TBC1D22A: variants seen among roughly 807,000 people sequenced by gnomAD.
The protein encoded by TBC1D22A is TBC1 domain family member 22A.
A neutral mutation model predicts 60.2 loss-of-function variants in TBC1D22A; 38 were observed. That is an observed-to-expected ratio of 0.63 (90% CI 0.49 to 0.83). TBC1D22A has a LOEUF of 0.83. Among genes scored for constraint, TBC1D22A ranks in the 40% least tolerant of loss-of-function variants. The probability of loss-of-function intolerance (pLI) is 0.00; values close to 1 mark genes in which losing one functional copy is unlikely to be tolerated. For missense variants in TBC1D22A, 628 were observed against 701.0 expected (o/e 0.90, Z 1.18); for synonymous variants, 302 against 281.7 (o/e 1.07, Z -0.72).
At chr22:46,953,475 T>C (rs1291238784) in intron 8 of TBC1D22A, among the ~76,000 whole-genome samples, 2 of 136,526 alleles carry the variant, frequency 1.5e-5, no homozygotes, top group African/African-American at 6.1e-5. Flanking sequence ...CCTTCATTTT[T>C]ATAATTTCCT....
At chr22:46,882,915 G>A (rs1191600441) in intron 5 of TBC1D22A, among the ~76,000 whole-genome samples, 1 of 152,150 alleles carries the variant, frequency 6.6e-6, no homozygotes, top group African/African-American at 2.4e-5. Flanking sequence ...TGATGAGTGG[G>A]CAGTGCCACT....
intron 2 of TBC1D22A, 28 bp from the exon 3 acceptor site, chr22:46,793,473 A>G: frequency 1.2e-6 from 2 of 1,611,296 alleles, no homozygotes; most frequent in Non-Finnish European, 1.7e-6. Context: ...TCGAGCATGT[A>G]CGAGTAAAGA....
At chr22:47,063,037 C>T (rs766726054) in intron 11 of TBC1D22A, among the ~76,000 whole-genome samples, 65 of 152,032 alleles carry the variant, frequency 4.3e-4, no homozygotes, top group Non-Finnish European at 1.0e-4. Context: ...AGGAAGGAGG[C>T]CATCTGAAGG....
intron 5 of TBC1D22A, among the ~76,000 whole-genome samples, chr22:46,884,937 G>A (rs544002044): frequency 1.3e-5 from 2 of 152,206 alleles, no homozygotes; most frequent in Non-Finnish European, 1.5e-5. Flanking sequence ...GGCCAGGCCC[G>A]CAGGAGCCGT....
At chr22:46,981,132 G>T (rs2074496115) in intron 9 of TBC1D22A, among the ~76,000 whole-genome samples, 1 of 152,204 alleles carries the variant, frequency 6.6e-6, no homozygotes, top group Admixed American at 6.5e-5. Flanking sequence ...AAGGCAGAAA[G>T]CATTCCTAGA....
intron 12 of TBC1D22A, among the ~76,000 whole-genome samples, chr22:47,131,737 G>A (rs962513641): frequency 5.9e-5 from 9 of 152,226 alleles, no homozygotes; most frequent in African/African-American, 1.9e-4. Context: ...CTCAGCAGAA[G>A]GGAGCATCTG....
intron 8 of TBC1D22A, among the ~76,000 whole-genome samples, chr22:46,974,003 C>G (rs1180225876): frequency 6.6e-6 from 1 of 152,184 alleles, no homozygotes; most frequent in African/African-American, 2.4e-5. Flanking sequence ...TATTTTCTCT[C>G]TTATTAGAAT....
At position 46,964,972 on chromosome 22, in the gene TBC1D22A, G is replaced by C. The variant is rs62232722; in HGVS notation, c.1016-9318G>C. Among the ~76,000 whole-genome samples, 1,058 of 152,352 alleles carry C rather than the reference G, an allele frequency of 6.9e-3. 6 individuals carry two copies. Among genetic ancestry groups the C allele is most frequent in the Non-Finnish European group, 0.011 (742 of 68,030 alleles). ...GGGGTTCCCAGCTGGGATGTAAGCA[G>C]CACCCACACAGGAGCAGAACTTTGG... On this transcript the variant is annotated intron_variant, in intron 8 of 12. Transcript: ENST00000337137.
chr22:47,037,134 T>G lies in TBC1D22A; in HGVS notation c.1265T>G (p.Met422Arg). 6.2e-7 allele frequency: 1 copy of G among 1,613,988 alleles called. No homozygotes were observed. The highest frequency in any genetic ancestry group is 8.5e-7 in the Non-Finnish European group (1 of 1,179,934). ...TACCTGCAGTTTGCCTTCCGCTGGA[T>G]GAACAACCTGCTGATGAGGGAGGTG... The part of the protein sequence containing the change: ...VRYLQFAFRW[M>R]NNLLMREVPL... The change falls in exon 11 of 13, where the codon ATG becomes AGG. Residue 422 changes from methionine to arginine, a missense_variant. Met to Arg is a moderately conservative substitution (Grantham distance 91). Transcript: ENST00000337137.
In TBC1D22A at chr22:46,777,937, G is replaced by A. The variant is rs1005282413; in HGVS notation, c.63-14583G>A. On this transcript the variant is annotated intron_variant, in intron 1 of 12. Transcript: ENST00000337137. This position sits in a 1 kb window ranked among gnomAD's most constrained non-coding sequence, Gnocchi z 4.5. ...CGCCTGCTGCACACCTAGGCTGTAC[G>A]GCACCGTCTGTTGCTCTGAGGCTAT... 5.3e-5 allele frequency among the ~76,000 whole-genome samples: 8 copies of A among 152,182 alleles called. No homozygotes were observed. Among genetic ancestry groups the A allele is most frequent in the Non-Finnish European group, 8.8e-5 (6 of 68,040 alleles).
chr22:47,098,197 TAG>T, intron 11 of TBC1D22A, among the ~76,000 whole-genome samples: 1 of 152,328 alleles, frequency 6.6e-6, no homozygotes, highest in African/African-American at 2.4e-5. Flanking sequence ...TTCCCTTAAC[TAG>T]AGAGATGTGT....
chr22:46,893,444 G>T (rs911672846), intron 6 of TBC1D22A, among the ~76,000 whole-genome samples: 1 of 152,198 alleles, frequency 6.6e-6, no homozygotes, highest in Non-Finnish European at 1.5e-5. Flanking sequence ...TGGGGATGAT[G>T]GCAGGGGTTG....
intron 3 of TBC1D22A, 112 bp downstream of exon 3, chr22:46,793,953 GC>G: frequency 4.8e-6 from 5 of 1,044,576 alleles, no homozygotes; most frequent in Non-Finnish European, 4.1e-6. Flanking sequence ...TTTGCAGCAG[GC>G]CCCCTGGCCC....
intron 11 of TBC1D22A, among the ~76,000 whole-genome samples, chr22:47,055,202 C>T (rs1344186577): frequency 1.3e-5 from 2 of 152,260 alleles, no homozygotes; most frequent in Non-Finnish European, 2.9e-5. Context: ...TCTGCCCCTA[C>T]TGCTCCCACA....
intron 11 of TBC1D22A, among the ~76,000 whole-genome samples, chr22:47,100,657 G>C (rs1292537662): frequency 6.6e-6 from 1 of 152,202 alleles, no homozygotes; most frequent in African/African-American, 2.4e-5. Flanking sequence ...CACCATCCAC[G>C]TAAGACGTGA....
intron 4 of TBC1D22A, among the ~76,000 whole-genome samples, chr22:46,831,809 C>A (rs2086320317): frequency 6.6e-6 from 1 of 152,198 alleles, no homozygotes; most frequent in Non-Finnish European, 1.5e-5. Flanking sequence ...TGCTGTTTGG[C>A]AATCCGTTTG....
At chr22:47,160,232 C>T (rs964096824) in intron 12 of TBC1D22A, among the ~76,000 whole-genome samples, 1 of 152,220 alleles carries the variant, frequency 6.6e-6, no homozygotes, top group Non-Finnish European at 1.5e-5. Context: ...ACCGCCTGAT[C>T]GAGGAGCCAG....
intron 11 of TBC1D22A, among the ~76,000 whole-genome samples, chr22:47,069,644 T>G (rs1290804718): frequency 1.3e-5 from 2 of 149,572 alleles, no homozygotes; most frequent in East Asian, 4.0e-4. Flanking sequence ...CCTGTTTGGA[T>G]GGAGTGGAGC....
chr22:46,890,563 T>G (rs1005189267), intron 5 of TBC1D22A, among the ~76,000 whole-genome samples: 6 of 152,158 alleles, frequency 3.9e-5, no homozygotes, highest in Admixed American at 2.6e-4. Context: ...GTATCCCCCA[T>G]AGATACTTAG....
Sources: allele counts gnomAD v4.1 joint callset (sites outside exome capture counted in the v4.1 genomes callset), GRCh38; gene constraint gnomAD v4.1.1; non-coding constraint Gnocchi (gnomAD v3.1); transcripts MANE v1.5; gene names NCBI Gene and HGNC (gene_info 2026-07-23, HGNC 2026-07-21).